Variants in PCDH9 observed in about 807,000 individuals in gnomAD.
PCDH9 encodes the protein protocadherin-9.
PCDH9 carries 24 observed loss-of-function variants against 70.6 expected under a neutral mutation model. The observed-to-expected ratio is 0.34, with a 90% CI of 0.25 to 0.48. The LOEUF is 0.48. Among genes scored for constraint, PCDH9 ranks in the 20% least tolerant of loss-of-function variants. PCDH9 has a pLI of 0.99. For synonymous variants in PCDH9, 562 were observed against 558.5 expected (o/e 1.01, Z -0.09); for missense variants, 1,281 against 1,503.6 (o/e 0.85, Z 2.45).
chr13:66,900,515 T>C (rs1365305164), intron 3 of PCDH9, among the ~76,000 whole-genome samples: 1 of 151,922 alleles, frequency 6.6e-6, no homozygotes, highest in Admixed American at 6.6e-5. Context: ...AGAATTATTA[T>C]AATGCATATG....
chr13:66,874,847 AT>A (rs1000995059), intron 3 of PCDH9, among the ~76,000 whole-genome samples: 58 of 150,910 alleles, frequency 3.8e-4, no homozygotes, highest in African/African-American at 1.3e-3. Flanking sequence ...AAGTCTATTA[AT>A]TTTTTTTCTC....
chr13:66,913,545 C>T (rs927685829), intron 2 of PCDH9, among the ~76,000 whole-genome samples: 4 of 151,980 alleles, frequency 2.6e-5, no homozygotes, highest in Non-Finnish European at 5.9e-5. Context: ...CTATCATCAT[C>T]TGACTTAGTT....
At chr13:66,731,790 A>T (rs1185526904) in intron 3 of PCDH9, among the ~76,000 whole-genome samples, 1 of 152,128 alleles carries the variant, frequency 6.6e-6, no homozygotes, top group Non-Finnish European at 1.5e-5. Context: ...CATTCTATTT[A>T]TCAACAAATT....
intron 3 of PCDH9, among the ~76,000 whole-genome samples, chr13:66,838,492 G>T (rs2081061472): frequency 6.6e-6 from 1 of 151,632 alleles, no homozygotes; most frequent in African/African-American, 2.4e-5. Flanking sequence ...GTTAAATTTA[G>T]CCAGGTTTTC....
chr13:66,798,061 G>A (rs1311322380), intron 3 of PCDH9, among the ~76,000 whole-genome samples: 2 of 151,754 alleles, frequency 1.3e-5, no homozygotes, highest in African/African-American at 2.4e-5. Flanking sequence ...AGAGGAGGAA[G>A]AAAATGACAG....
chr13:66,762,218 C>T (rs904912386), intron 3 of PCDH9, among the ~76,000 whole-genome samples: 1 of 152,094 alleles, frequency 6.6e-6, no homozygotes, highest in African/African-American at 2.4e-5. Context: ...CAGCCCATGG[C>T]TGCTAAAGCC....
rs532166727 is a variant in PCDH9 at position 66,319,216 on chromosome 13, T to C, written c.3341-14188A>G. 2.0e-5 allele frequency among the ~76,000 whole-genome samples: 3 copies of C among 152,166 alleles called. No homozygotes were observed. The South Asian group carries it at 6.2e-4, about 32-fold the overall frequency. The stretch of plus-strand genomic sequence containing the variant: ...ACCATGACATCTCTTGAAAACTCAC[T>C]ATCATGGCAATAGCGTGGGGAAAAG... On this transcript the variant is annotated intron_variant, in intron 4 of 4. Transcript: ENST00000377865.
At chr13:66,957,791 T>C (rs1218453239) in intron 2 of PCDH9, among the ~76,000 whole-genome samples, 1 of 152,090 alleles carries the variant, frequency 6.6e-6, no homozygotes, top group African/African-American at 2.4e-5. Context: ...ACTGGCACTC[T>C]GATTTCATTC....
At chr13:66,869,960 C>A (rs1241624057) in intron 3 of PCDH9, among the ~76,000 whole-genome samples, 1 of 152,090 alleles carries the variant, frequency 6.6e-6, no homozygotes, top group Non-Finnish European at 1.5e-5. Flanking sequence ...GCTTTTGTTG[C>A]CATTGCTTTT....
At chr13:66,537,107 A>C (rs1336128363) in intron 4 of PCDH9, among the ~76,000 whole-genome samples, 1 of 152,156 alleles carries the variant, frequency 6.6e-6, no homozygotes, top group African/African-American at 2.4e-5. Context: ...ATGCATAGCT[A>C]TCAAGCATGT....
chr13:66,618,515 T>C (rs1326140841), intron 4 of PCDH9, among the ~76,000 whole-genome samples: 2 of 152,224 alleles, frequency 1.3e-5, no homozygotes, highest in Non-Finnish European at 2.9e-5. Context: ...TGTATGTTTG[T>C]ATGTATCTAA....
intron 2 of PCDH9, among the ~76,000 whole-genome samples, chr13:67,075,137 A>C (rs2085853252): frequency 6.6e-6 from 1 of 152,130 alleles, no homozygotes; most frequent in Admixed American, 6.6e-5. Context: ...TAGCCAAATG[A>C]TAAAACCATT....
intron 2 of PCDH9, among the ~76,000 whole-genome samples, chr13:67,096,989 C>T (rs1230978555): frequency 6.6e-6 from 1 of 151,912 alleles, no homozygotes; most frequent in African/African-American, 2.4e-5. Context: ...TGGCTCACAC[C>T]TGTAATCCAG....
At chr13:67,085,007 TATATA>T (rs2086076594) in intron 2 of PCDH9, among the ~76,000 whole-genome samples, 1 of 122,366 alleles carries the variant, frequency 8.2e-6, no homozygotes, top group African/African-American at 3.0e-5. Context: ...AATATATATA[TATATA>T]TATATATATA....
At chr13:66,443,797 C>T (rs995457168) in intron 4 of PCDH9, among the ~76,000 whole-genome samples, 1 of 152,104 alleles carries the variant, frequency 6.6e-6, no homozygotes, top group African/African-American at 2.4e-5. Flanking sequence ...CTATGCTTTT[C>T]ATCACAGACA....
At chr13:66,732,066 C>A (rs1042613929) in intron 3 of PCDH9, among the ~76,000 whole-genome samples, 1 of 151,840 alleles carries the variant, frequency 6.6e-6, no homozygotes, top group African/African-American at 2.4e-5. Context: ...TTTGATTTCA[C>A]AGCAAAATTC....
intron 3 of PCDH9, among the ~76,000 whole-genome samples, chr13:66,824,263 C>A (rs750926255): frequency 7.3e-6 from 1 of 136,918 alleles, no homozygotes; most frequent in African/African-American, 2.7e-5. Context: ...CCAAAGACAG[C>A]TAGAGCCAAT....
intron 2 of PCDH9, among the ~76,000 whole-genome samples, chr13:66,958,052 T>C (rs1055325419): frequency 2.0e-5 from 3 of 152,258 alleles, no homozygotes; most frequent in Middle Eastern, 3.4e-3. Context: ...AGGAGAAATA[T>C]GATTGACATG....
chr13:66,794,977 G>GCACACAAA (rs1555269747), intron 3 of PCDH9, among the ~76,000 whole-genome samples: 11 of 147,286 alleles, frequency 7.5e-5, no homozygotes, highest in African/African-American at 2.8e-4. Flanking sequence ...ACACACACAG[G>GCACACAAA]CACACACACA....
Sources: gnomAD v4.1 joint callset for allele counts (sites outside exome capture counted in the v4.1 genomes callset) on GRCh38, gnomAD v4.1.1 for gene constraint, MANE v1.5 for transcripts, NCBI Gene and HGNC (gene_info 2026-07-23, HGNC 2026-07-21) for gene names.